RAMP1: variants seen among roughly 807,000 people sequenced by gnomAD.
RAMP1 encodes receptor activity-modifying protein 1.
A neutral mutation model predicts 8.2 loss-of-function variants in RAMP1; 7 were observed. The ratio of observed to expected loss-of-function variants is 0.85; its 90% CI spans 0.49 to 1.60. The LOEUF (loss-of-function observed/expected upper bound fraction) is 1.60, where lower values mean the gene tolerates loss of function less well. RAMP1 is among the 40% of genes most tolerant of loss of function. The probability of loss-of-function intolerance (pLI) is 0.00; values close to 1 mark genes in which losing one functional copy is unlikely to be tolerated. For synonymous variants in RAMP1, 92 were observed against 84.7 expected (o/e 1.09, Z -0.47); for missense variants, 192 against 202.4 (o/e 0.95, Z 0.31).
intron 2 of RAMP1, among the ~76,000 whole-genome samples, chr2:237,879,552 C>T (rs1281646709): frequency 2.9e-5 from 4 of 139,316 alleles, no homozygotes; most frequent in Admixed American, 7.2e-5. Flanking sequence ...AGGTTTGTTA[C>T]GTATGTATAC....
Position 237,911,935 on chromosome 2 carries a change from C to T in RAMP1, c.*152C>T, listed in dbSNP as rs1031258862. 1.0e-5 allele frequency: 13 copies of T among 1,278,974 alleles called. No homozygotes were observed. Among genetic ancestry groups the T allele is most frequent in the East Asian group, 5.1e-5 (2 of 39,190 alleles). 79.2% of individuals were successfully genotyped at this position (1,278,974 alleles called of 1,614,324 possible). ...AGAGCTCACAGGAGTCCAGAGTAGC[C>T]GAGGCTCTGGTATTAACCTGGAAGC... On this transcript the variant is annotated 3_prime_UTR_variant, in exon 3 of 3. Transcript: ENST00000254661.
intron 1 of RAMP1, among the ~76,000 whole-genome samples, chr2:237,869,392 T>G (rs1412011176): frequency 6.6e-6 from 1 of 152,090 alleles, no homozygotes; most frequent in Non-Finnish European, 1.5e-5. Context: ...TCCCTAGAAG[T>G]TTTTTCATTT....
intron 1 of RAMP1, among the ~76,000 whole-genome samples, chr2:237,873,454 G>T (rs1359922733): frequency 6.6e-6 from 1 of 152,174 alleles, no homozygotes. Flanking sequence ...CTGTCACTTT[G>T]CTTGAGGGGC....
At chr2:237,880,055 C>T (rs985980680) in intron 2 of RAMP1, among the ~76,000 whole-genome samples, 30 of 149,974 alleles carry the variant, frequency 2.0e-4, no homozygotes, top group Non-Finnish European at 3.7e-4. Context: ...CACATCACAA[C>T]AGCATCTCAG....
intron 1 of RAMP1, among the ~76,000 whole-genome samples, chr2:237,861,861 A>AG (rs973884659): frequency 6.6e-6 from 1 of 151,908 alleles, no homozygotes; most frequent in Non-Finnish European, 1.5e-5. Flanking sequence ...CAAAAAAAAA[A>AG]AAAACTTAGG....
intron 2 of RAMP1, among the ~76,000 whole-genome samples, chr2:237,901,584 TG>T (rs956343426): frequency 3.7e-4 from 57 of 152,338 alleles, no homozygotes; most frequent in African/African-American, 1.4e-3. Context: ...GTGGCTAGAA[TG>T]TGGCCAGCAG....
At chr2:237,874,874 G>C (rs993565355) in intron 1 of RAMP1, among the ~76,000 whole-genome samples, 3 of 150,952 alleles carry the variant, frequency 2.0e-5, no homozygotes, top group Admixed American at 6.5e-5. Context: ...AAATGGGCTG[G>C]GGGACAGGGT....
chr2:237,908,789 G>A (rs949687677), intron 2 of RAMP1, among the ~76,000 whole-genome samples: 6 of 152,144 alleles, frequency 3.9e-5, no homozygotes, highest in Admixed American at 1.3e-4. Context: ...GTTTCCTGGT[G>A]CCCTTCCAAG....
chr2:237,860,170 G>A (rs2062118770), intron 1 of RAMP1, among the ~76,000 whole-genome samples: 1 of 152,234 alleles, frequency 6.6e-6, no homozygotes, highest in Non-Finnish European at 1.5e-5. Flanking sequence ...CGGGCACCTT[G>A]CAGAAGACGC....
chr2:237,900,673 C>A (rs527912092), intron 2 of RAMP1, among the ~76,000 whole-genome samples: 70 of 152,038 alleles, frequency 4.6e-4, no homozygotes, highest in African/African-American at 1.5e-3. Flanking sequence ...CGATCTTGTT[C>A]TCTTAATATT....
chr2:237,912,020 C>G lies in RAMP1; in HGVS notation c.*237C>G. 4 of 639,894 alleles carry G rather than the reference C, an allele frequency of 6.3e-6. No individual in the cohort carries two copies. In the East Asian group the frequency reaches 1.1e-4, roughly 18 times the overall value. 39.6% of individuals were successfully genotyped at this position (639,894 alleles called of 1,614,324 possible). On this transcript the variant is annotated 3_prime_UTR_variant, in exon 3 of 3. Coordinates refer to ENST00000254661, the MANE Select transcript of RAMP1 (RefSeq NM_005855.4). ...GGGGCAGGGACGTGACCTTGACTTA[C>G]CTCTGGAAAGGGTCCCAGCCTAGAC...
At chr2:237,864,353 C>T (rs138425884) in intron 1 of RAMP1, among the ~76,000 whole-genome samples, 297 of 152,310 alleles carry the variant, frequency 1.9e-3, no homozygotes, top group African/African-American at 6.3e-3. Context: ...TGTCAGGTAC[C>T]CTGGCCCCAG....
intron 2 of RAMP1, among the ~76,000 whole-genome samples, chr2:237,902,659 A>G (rs115961403): frequency 0.016 from 2,405 of 151,920 alleles, 72 homozygotes; most frequent in African/African-American, 0.055. Flanking sequence ...TCTGCCCTGC[A>G]CGCCTCCCCC....
At chr2:237,861,187 C>T (rs893143287) in intron 1 of RAMP1, among the ~76,000 whole-genome samples, 2 of 152,134 alleles carry the variant, frequency 1.3e-5, no homozygotes, top group South Asian at 2.1e-4. Context: ...CACTATGTCA[C>T]GATCACATAT....
chr2:237,881,532 C>A (rs894963143), intron 2 of RAMP1, among the ~76,000 whole-genome samples: 7 of 152,204 alleles, frequency 4.6e-5, no homozygotes, highest in Non-Finnish European at 1.0e-4. Context: ...AGTTTGCATT[C>A]CCACCAGCAG....
In RAMP1 at chr2:237,878,183, G is replaced by A; in HGVS notation, c.191+821G>A. The A allele has an allele frequency of 1.0e-6, 1 of 982,916 alleles. No individual in the cohort carries two copies. Among genetic ancestry groups the A allele is most frequent in the Non-Finnish European group, 1.2e-6 (1 of 827,598 alleles). The allele number at this position is 982,916 out of a possible 1,614,324, so 60.9% of individuals were successfully genotyped here. A position where few individuals can be genotyped will look rare whatever the true frequency, so the allele number is the denominator to read the frequency against. On this transcript the variant is annotated intron_variant, in intron 2 of 2. Coordinates refer to ENST00000254661, the MANE Select transcript of RAMP1 (RefSeq NM_005855.4). This position sits in a 1 kb window ranked among gnomAD's most constrained non-coding sequence, Gnocchi z 5.7. ...CCCTGCCATGCAAACTTCGCACAGA[G>A]ATCTGTCTGTGGGTTCACAGCGCAG...
intron 1 of RAMP1, among the ~76,000 whole-genome samples, chr2:237,876,232 G>A (rs1402852228): frequency 1.3e-5 from 2 of 152,168 alleles, no homozygotes; most frequent in Admixed American, 6.5e-5. Flanking sequence ...CAATCTGCCT[G>A]CCCAAGGGCA....
chr2:237,895,158 C>T (rs765354573), intron 2 of RAMP1, among the ~76,000 whole-genome samples: 1 of 152,106 alleles, frequency 6.6e-6, no homozygotes, highest in Non-Finnish European at 1.5e-5. Context: ...CCTATGGTGG[C>T]GATTGTAGAG....
intron 2 of RAMP1, among the ~76,000 whole-genome samples, chr2:237,886,713 C>T (rs1182921861): frequency 6.6e-6 from 1 of 152,214 alleles, no homozygotes; most frequent in Non-Finnish European, 1.5e-5. Flanking sequence ...TAGCGCGGAG[C>T]GTGGCACTGA....
Sources: gnomAD v4.1 joint callset for allele counts (sites outside exome capture counted in the v4.1 genomes callset) on GRCh38, gnomAD v4.1.1 for gene constraint, Gnocchi (gnomAD v3.1) non-coding constraint, MANE v1.5 for transcripts, NCBI Gene and HGNC (gene_info 2026-07-23, HGNC 2026-07-21) for gene names.